The following TASOR2 variants were observed in gnomAD, a reference collection of about 807,000 sequenced individuals.
TASOR2 encodes transcription activation suppressor family member 2.
TASOR2 carries 84 observed loss-of-function variants against 199.5 expected under a neutral mutation model. That is an observed-to-expected ratio of 0.42 (90% CI 0.35 to 0.50). TASOR2 has a LOEUF of 0.50. Among genes scored for constraint, TASOR2 ranks in the 20% least tolerant of loss-of-function variants. The probability of loss-of-function intolerance (pLI) is 0.02; values close to 1 mark genes in which losing one functional copy is unlikely to be tolerated. For synonymous variants in TASOR2, 1,103 were observed against 1,046.6 expected, an observed-to-expected ratio of 1.05 and a Z score of -1.04; for missense variants, 2,796 against 2,835.9, an observed-to-expected ratio of 0.99 and a Z score of 0.32.
Position 5,690,401 on chromosome 10 carries a change from A to G in TASOR2, c.-288+5226A>G, listed in dbSNP as rs760907838. Reference sequence around the variant, plus strand: ...AAATAGACCCTGTTTAGAACCTTTCATGTACACCTGCTCCCTCATTAGGAG... The same window carrying G: ...AAATAGACCCTGTTTAGAACCTTTCGTGTACACCTGCTCCCTCATTAGGAG... On this transcript the variant is annotated intron_variant, in intron 1 of 20. Transcript: ENST00000328090. The surrounding 1 kb of genome is among the most constrained non-coding windows in gnomAD (Gnocchi z 4.8). Among the ~76,000 whole-genome samples the G allele has an allele frequency of 9.2e-5, 14 of 152,344 alleles. No homozygotes were observed. The highest frequency in any genetic ancestry group is 1.6e-4 in the Non-Finnish European group (11 of 68,028).
chr10:5,692,759 TG>T (rs1836600560), intron 1 of TASOR2: 2 of 152,090 alleles, frequency 1.3e-5, no homozygotes, highest in Non-Finnish European at 2.9e-5. Context: ...GCGTCGCCCT[TG>T]TTGACTTTCA....
At chr10:5,758,566 T>G (rs1839309228) in intron 17 of TASOR2, among the ~76,000 whole-genome samples, 1 of 152,164 alleles carries the variant, frequency 6.6e-6, no homozygotes, top group Admixed American at 6.5e-5. Context: ...TTTAGAAACT[T>G]CATTTCTCTA....
rs1833115005 is a variant in TASOR2, at chr10:5,719,667, G to C, written c.-99-877G>C. On this transcript the variant is annotated intron_variant, in intron 3 of 20. Transcript: ENST00000328090. The surrounding 1 kb of genome is among the most constrained non-coding windows in gnomAD (Gnocchi z 4.1). ...GCTTGCTTTTTTCTTTTTTTTTGGA[G>C]AGACATGTAACCCTTGATGGAGAGA... 6.6e-6 allele frequency among the ~76,000 whole-genome samples: 1 copy of C among 151,770 alleles called. No individual in the cohort carries two copies. Among genetic ancestry groups the C allele is most frequent in the Non-Finnish European group, 1.5e-5 (1 of 67,922 alleles).
exon 15 of TASOR2, chr10:5,749,104 C>T (rs1837622857): frequency 3.1e-6 from 5 of 1,614,106 alleles, no homozygotes; most frequent in Non-Finnish European, 4.2e-6. Context: ...GAGCCTCCCT[C>T]CCGGGCACTG....
Position 5,687,455 on chromosome 10 carries a change from A to C in TASOR2, c.-288+2280A>C, listed in dbSNP as rs531391991. Among the ~76,000 whole-genome samples the C allele has an allele frequency of 9.8e-5, 15 of 152,348 alleles. No homozygotes were observed. The East Asian group carries it at 2.9e-3, about 29-fold the overall frequency. Reference sequence around the variant, plus strand: ...TAAACATTGTTTCTGAGATTCACTCATGTTAAAGCACGTGCCTATAGTTTA... The same window carrying C: ...TAAACATTGTTTCTGAGATTCACTCCTGTTAAAGCACGTGCCTATAGTTTA... On this transcript the variant is annotated intron_variant, in intron 1 of 20. Transcript: ENST00000328090. This position sits in a 1 kb window ranked among gnomAD's most constrained non-coding sequence, Gnocchi z 4.8.
In TASOR2 at chr10:5,740,473, A is replaced by C. The variant is rs1032814603; in HGVS notation, c.2303A>C (p.Lys768Thr). 6.2e-7 allele frequency: 1 copy of C among 1,612,664 alleles called. No homozygotes were observed. Among genetic ancestry groups the C allele is most frequent in the East Asian group, 2.2e-5 (1 of 44,882 alleles). ...AAATATACCAACAACCCACTGGAGA[A>C]AACTGTAGTAAGAGCATTACATGGG... Residue 768 changes from lysine to threonine, a missense_variant, in exon 13 of 21, where the codon AAA becomes ACA. Around this residue, in one of 3 missense-constraint regions of TASOR2, gnomAD observed 8 missense variants for 23.6 expected, o/e 0.34. Coordinates refer to ENST00000328090, the Ensembl canonical transcript of TASOR2. The surrounding 1 kb of genome is among the most constrained non-coding windows in gnomAD (Gnocchi z 5.3).
intron 14 of TASOR2, among the ~76,000 whole-genome samples, chr10:5,745,008 A>C (rs1836981382): frequency 6.6e-6 from 1 of 152,232 alleles, no homozygotes; most frequent in Non-Finnish European, 1.5e-5. Context: ...CATGGCACGC[A>C]GTTTGTGAGC....
At chr10:5,703,948 C>A (rs945203825) in intron 1 of TASOR2, among the ~76,000 whole-genome samples, 10 of 151,506 alleles carry the variant, frequency 6.6e-5, no homozygotes, top group Non-Finnish European at 1.5e-4. Context: ...CTTGGCCAGG[C>A]GTGGTGGCTC....
exon 13 of TASOR2, chr10:5,739,947 G>T (rs1836162964): frequency 1.2e-6 from 2 of 1,614,068 alleles, no homozygotes; most frequent in African/African-American, 2.7e-5. Flanking sequence ...AACTCAAAAA[G>T]GTGAATTACT....
exon 15 of TASOR2, chr10:5,746,336 T>C: frequency 6.2e-7 from 1 of 1,614,142 alleles, no homozygotes; most frequent in African/African-American, 1.3e-5. Flanking sequence ...AGTGGCACTG[T>C]TACTCAAGCC....
rs918005207 is a variant in TASOR2 at position 5,687,251 on chromosome 10, G to A, written c.-288+2076G>A. 3.3e-5 allele frequency among the ~76,000 whole-genome samples: 5 copies of A among 152,140 alleles called. No homozygotes were observed. Among genetic ancestry groups the A allele is most frequent in the African/African-American group, 4.8e-5 (2 of 41,426 alleles). ...CCTTTTGTGTGTTTCTACCCCAGGA[G>A]GAATGCGTTCCCTGCCCCCCGTTAC... On this transcript the variant is annotated intron_variant, in intron 1 of 20. Transcript: ENST00000328090. This position sits in a 1 kb window ranked among gnomAD's most constrained non-coding sequence, Gnocchi z 4.8.
rs1486715418 is a variant in TASOR2, at chr10:5,761,499, TA to T, written c.7174+30del. Reference sequence around the variant, plus strand: ...AATTCACAGGCGCATTTTACTCAGTTAATGCCAAAATTGGTCAGCTCTAGGA... The same window carrying T: ...AATTCACAGGCGCATTTTACTCAGTTATGCCAAAATTGGTCAGCTCTAGGA... On this transcript the variant is annotated intron_variant, in intron 19 of 20. Transcript: ENST00000328090. 3.8e-6 allele frequency: 6 copies of T among 1,599,314 alleles called. No individual in the cohort carries two copies. In the South Asian group the frequency reaches 5.5e-5, roughly 15 times the overall value.
At chr10:5,716,589 A>G (rs1173502232) in intron 2 of TASOR2, among the ~76,000 whole-genome samples, 1 of 152,134 alleles carries the variant, frequency 6.6e-6, no homozygotes, top group African/African-American at 2.4e-5. Context: ...GCATACCATA[A>G]TATACCTACC....
At chr10:5,686,425 G>A (rs1288849069) in intron 1 of TASOR2, among the ~76,000 whole-genome samples, 1 of 152,174 alleles carries the variant, frequency 6.6e-6, no homozygotes, top group Non-Finnish European at 1.5e-5. Flanking sequence ...TTTATCAAGT[G>A]AATTTCATTT....
At chr10:5,741,849 G>GT (rs1396777368) in intron 13 of TASOR2, among the ~76,000 whole-genome samples, 3 of 152,178 alleles carry the variant, frequency 2.0e-5, no homozygotes, top group African/African-American at 7.2e-5. Flanking sequence ...TGCCATACAG[G>GT]TTTTGTGATT....
Position 5,750,066 on chromosome 10 carries a change from C to G in TASOR2, c.6606+39C>G, listed in dbSNP as rs919147034. 10 of 1,524,838 alleles carry G rather than the reference C, an allele frequency of 6.6e-6. No individual in the cohort carries two copies. Among genetic ancestry groups the G allele is most frequent in the Non-Finnish European group, 8.8e-6 (10 of 1,140,250 alleles). 94.5% of individuals were successfully genotyped at this position (1,524,838 alleles called of 1,614,324 possible). On this transcript the variant is annotated intron_variant, in intron 15 of 20. Transcript: ENST00000328090. This position sits in a 1 kb window ranked among gnomAD's most constrained non-coding sequence, Gnocchi z 5.4. ...CACGTCTTACGTATTATTTTAATTG[C>G]TGATTTTAGTTTTAGAAATAATAAA...
Position 5,750,883 on chromosome 10 carries a change from A to C in TASOR2, c.6606+856A>C, listed in dbSNP as rs1162050394. ...ATTAACCTCATCTAGGTCTAGGATCATAGGTGTCTAGAATTGTCATGTCTT... is the reference window on the plus strand; with the variant it reads ...ATTAACCTCATCTAGGTCTAGGATCCTAGGTGTCTAGAATTGTCATGTCTT... On this transcript the variant is annotated intron_variant, in intron 15 of 20. Transcript: ENST00000328090. This position sits in a 1 kb window ranked among gnomAD's most constrained non-coding sequence, Gnocchi z 5.4. 6.6e-6 allele frequency among the ~76,000 whole-genome samples: 1 copy of C among 152,210 alleles called. No homozygotes were observed. Among genetic ancestry groups the C allele is most frequent in the Admixed American group, 6.5e-5 (1 of 15,274 alleles).
In TASOR2 at chr10:5,726,974, T is replaced by G; in HGVS notation, c.424+17T>G. Reference sequence around the variant, plus strand: ...CAGAACCAGGTATGGAGAACTGTTTTGGGAAAAAATATTTTTCATTATGTT... The same window carrying G: ...CAGAACCAGGTATGGAGAACTGTTTGGGGAAAAAATATTTTTCATTATGTT... On this transcript the variant is annotated intron_variant, in intron 9 of 20. Transcript: ENST00000328090. 1 of 1,613,696 alleles carries G rather than the reference T, an allele frequency of 6.2e-7. No individual in the cohort carries two copies. The highest frequency in any genetic ancestry group is 8.5e-7 in the Non-Finnish European group (1 of 1,179,740).
rs1303743830 is a variant in TASOR2 at position 5,699,842 on chromosome 10, AATAG to A, written c.-287-12978_-287-12975del. 6.7e-6 allele frequency: 4 copies of A among 597,460 alleles called. No homozygotes were observed. The highest frequency in any genetic ancestry group is 2.0e-5 in the African/African-American group (1 of 49,718). The allele number at this position is 597,460 out of a possible 1,614,324, so 37.0% of individuals were successfully genotyped here. A position where few individuals can be genotyped will look rare whatever the true frequency, so the allele number is the denominator to read the frequency against. On this transcript the variant is annotated intron_variant, in intron 1 of 20. Transcript: ENST00000328090. This position sits in a 1 kb window ranked among gnomAD's most constrained non-coding sequence, Gnocchi z 4.1. ...TACACATTTATTTTTATTGATGCGT[AATAG>A]ATGTACACAGTTTTAGGATACATGT...
Sources: allele counts gnomAD v4.1 joint callset (sites outside exome capture counted in the v4.1 genomes callset), GRCh38; gene constraint gnomAD v4.1.1; regional missense constraint gnomAD v4.1.1; non-coding constraint Gnocchi (gnomAD v3.1); transcripts MANE v1.5; gene names NCBI Gene and HGNC (gene_info 2026-07-23, HGNC 2026-07-21).